The following EFEMP1 variants were observed in gnomAD, a reference collection of about 807,000 sequenced individuals.
EFEMP1 encodes the protein EGF-containing fibulin-like extracellular matrix protein 1.
In EFEMP1, 18 loss-of-function variants were observed where a neutral mutation model predicts 65.7. That is an observed-to-expected ratio of 0.27 (90% CI 0.19 to 0.41). The LOEUF is 0.41. Among genes scored for constraint, EFEMP1 ranks in the 10% least tolerant of loss-of-function variants. The pLI, the probability that EFEMP1 is intolerant of heterozygous loss-of-function variation, is 1.00. For synonymous variants in EFEMP1, 237 were observed against 219.7 expected (o/e 1.08, Z -0.70); for missense variants, 469 against 624.8 (o/e 0.75, Z 2.66).
chr2:55,887,147 A>G (rs1204669601), intron 5 of EFEMP1, among the ~76,000 whole-genome samples: 1 of 151,986 alleles, frequency 6.6e-6, no homozygotes, highest in Non-Finnish European at 1.5e-5. Flanking sequence ...ACAGATGAAG[A>G]AAAAAAAGGA....
At chr2:55,868,952 T>C (rs1668693307) in intron 11 of EFEMP1, among the ~76,000 whole-genome samples, 1 of 152,148 alleles carries the variant, frequency 6.6e-6, no homozygotes, top group Non-Finnish European at 1.5e-5. Flanking sequence ...ACTTTTTGAA[T>C]TATGTGATAA....
In EFEMP1 at chr2:55,877,792, C is replaced by G; in HGVS notation, c.714G>C (p.Gln238His). The G allele has an allele frequency of 6.2e-7, 1 of 1,613,288 alleles. No homozygotes were observed. Among genetic ancestry groups the G allele is most frequent in the Non-Finnish European group, 8.5e-7 (1 of 1,179,386 alleles). The change falls in exon 7 of 12, where the codon CAG becomes CAC. Residue 238 changes from glutamine to histidine, a missense_variant. Physicochemically the swap from Gln to His is conservative, Grantham distance 24 (BLOSUM62 0). This residue lies in a region of EFEMP1 where 399 missense variants were observed against 528.2 expected (regional missense o/e 0.76). Coordinates refer to ENST00000355426, the MANE Select transcript of EFEMP1 (RefSeq NM_001039348.3). This position sits in a 1 kb window ranked among gnomAD's most constrained non-coding sequence, Gnocchi z 4.5. ...CVNTPGSFYC[Q>H]CSPGFQLAAN... is the part of the protein sequence containing the mutation. ...CTGCCAATTGAAACCCAGGACTGCA[C>G]TGGCAATAAAATGAGCCTGGTGTAT...
intron 5 of EFEMP1, among the ~76,000 whole-genome samples, chr2:55,914,436 T>C (rs1670599952): frequency 6.6e-6 from 1 of 152,220 alleles, no homozygotes; most frequent in African/African-American, 2.4e-5. Context: ...TATCATGTTT[T>C]CATTAAACAG....
rs750610629 is a variant in EFEMP1 at position 55,922,408 on chromosome 2, A to G, written c.33T>C (p.Thr11=). Reference sequence around the variant, plus strand: ...TGTCCTGTGACTTGACCAGCGCCAGAGTCAGCATAGTTAGGAAAAGGGCTT... The same window carrying G: ...TGTCCTGTGACTTGACCAGCGCCAGGGTCAGCATAGTTAGGAAAAGGGCTT... MLKALFLTML[T]LALVKSQDTE... The change falls in exon 3 of 12, where the codon ACT becomes ACC. Residue 11 remains threonine, a synonymous_variant. Transcript: ENST00000355426. The surrounding 1 kb of genome is among the most constrained non-coding windows in gnomAD (Gnocchi z 5.5). 9 of 1,613,870 alleles carry G rather than the reference A, an allele frequency of 5.6e-6. No individual in the cohort carries two copies. The East Asian group carries it at 2.0e-4, about 36-fold the overall frequency.
At chr2:55,892,775 T>C (rs572493681) in intron 5 of EFEMP1, among the ~76,000 whole-genome samples, 1 of 152,240 alleles carries the variant, frequency 6.6e-6, no homozygotes, top group Non-Finnish European at 1.5e-5. Context: ...GTTGATGTGT[T>C]AAAGGTTGAT....
At chr2:55,881,483 C>G in intron 6 of EFEMP1, 129 bp downstream of exon 6, 2 of 1,185,592 alleles carry the variant, frequency 1.7e-6, no homozygotes, top group African/African-American at 1.5e-5. Context: ...GATTGGTAGT[C>G]TATAAAAAAA....
At chr2:55,910,240 A>G (rs1670432153) in intron 5 of EFEMP1, among the ~76,000 whole-genome samples, 1 of 152,152 alleles carries the variant, frequency 6.6e-6, no homozygotes, top group Non-Finnish European at 1.5e-5. Context: ...TTTCAGTTTA[A>G]ACTACAAACC....
Position 55,865,969 on chromosome 2 carries a change from A to G in EFEMP1, c.*1104T>C, listed in dbSNP as rs1429945841. 6.6e-6 allele frequency: 1 copy of G among 152,150 alleles called. No homozygotes were observed. The highest frequency in any genetic ancestry group is 1.5e-5 in the Non-Finnish European group (1 of 68,028). 9.4% of individuals were successfully genotyped at this position (152,150 alleles called of 1,614,324 possible). On this transcript the variant is annotated 3_prime_UTR_variant, in exon 12 of 12. Transcript: ENST00000355426. ...CTGAAAAACCTCCAAAGATAGAGTGATCTTCTAAAGGAATATTTATTTTTA... is the reference window on the plus strand; with the variant it reads ...CTGAAAAACCTCCAAAGATAGAGTGGTCTTCTAAAGGAATATTTATTTTTA...
chr2:55,900,321 C>G (rs150620064), intron 5 of EFEMP1, among the ~76,000 whole-genome samples: 9 of 151,394 alleles, frequency 5.9e-5, no homozygotes, highest in East Asian at 3.9e-4. Context: ...CGATCCCCCC[C>G]ACCAACTCTC....
rs886070246 is a variant in EFEMP1 at position 55,883,328 on chromosome 2, A to G, written c.518-1594T>C. Among the ~76,000 whole-genome samples the G allele has an allele frequency of 6.6e-6, 1 of 152,194 alleles. No individual in the cohort carries two copies. The highest frequency in any genetic ancestry group is 1.5e-5 in the Non-Finnish European group (1 of 68,036). ...TTACAAACTGTCCTTTTTAGGTACT[A>G]TGCGATGGTGCAACAATCCTGCTTT... is the stretch of plus-strand genomic sequence containing the variant. On this transcript the variant is annotated intron_variant, in intron 5 of 11. Transcript: ENST00000355426. The surrounding 1 kb of genome is among the most constrained non-coding windows in gnomAD (Gnocchi z 4.5).
chr2:55,887,890 G>GA (rs1323213957), intron 5 of EFEMP1, among the ~76,000 whole-genome samples: 1 of 152,102 alleles, frequency 6.6e-6, no homozygotes, highest in East Asian at 1.9e-4. Flanking sequence ...GTTCTCATAG[G>GA]AAAAAAATCA....
At chr2:55,889,334 C>A (rs978172791) in intron 5 of EFEMP1, among the ~76,000 whole-genome samples, 3 of 152,172 alleles carry the variant, frequency 2.0e-5, no homozygotes, top group Non-Finnish European at 4.4e-5. Flanking sequence ...TGTAACTTGG[C>A]AATACTTCTC....
chr2:55,879,389 C>G (rs142709930), intron 6 of EFEMP1, among the ~76,000 whole-genome samples: 67 of 152,328 alleles, frequency 4.4e-4, no homozygotes, highest in African/African-American at 1.4e-3. Context: ...TGGTATTATA[C>G]TTTCTAATAG....
intron 8 of EFEMP1, among the ~76,000 whole-genome samples, chr2:55,875,335 T>TAATATATAC (rs1553349819): frequency 2.4e-4 from 30 of 125,398 alleles, no homozygotes; most frequent in Non-Finnish European, 4.8e-4. Context: ...GTTTCATATA[T>TAATATATAC]ACACACACAC....
intron 5 of EFEMP1, among the ~76,000 whole-genome samples, chr2:55,892,960 G>T (rs1669687758): frequency 6.6e-6 from 1 of 152,144 alleles, no homozygotes; most frequent in Admixed American, 6.5e-5. Flanking sequence ...GAAAAATTGA[G>T]CAATTCAGAT....
intron 5 of EFEMP1, among the ~76,000 whole-genome samples, chr2:55,905,493 G>T (rs1670222841): frequency 6.6e-6 from 1 of 152,064 alleles, no homozygotes; most frequent in Non-Finnish European, 1.5e-5. Flanking sequence ...TGTTGCCCAG[G>T]CTGGAGTACA....
chr2:55,884,573 G>A (rs936403784), intron 5 of EFEMP1, among the ~76,000 whole-genome samples: 2 of 152,160 alleles, frequency 1.3e-5, no homozygotes, highest in Non-Finnish European at 2.9e-5. Flanking sequence ...CCTTTTGTAG[G>A]TATCTCCATG....
At position 55,917,765 on chromosome 2, in the gene EFEMP1, G is replaced by A; in HGVS notation, c.417C>T (p.Ile139=). The A allele has an allele frequency of 6.2e-7, 1 of 1,614,184 alleles. No homozygotes were observed. Among genetic ancestry groups the A allele is most frequent in the Non-Finnish European group, 8.5e-7 (1 of 1,180,042 alleles). Reference sequence around the variant, plus strand: ...GCTGAGGGTCAGCTGGGTTCCGCCGGATGACAAAGTTATTTCGGCCAGTCT... The same window carrying A: ...GCTGAGGGTCAGCTGGGTTCCGCCGAATGACAAAGTTATTTCGGCCAGTCT... ...EMQTGRNNFV[I]RRNPADPQRI... The change falls in exon 5 of 12, where the codon ATC becomes ATT. Residue 139 remains isoleucine, a synonymous_variant. Transcript: ENST00000355426. This position sits in a 1 kb window ranked among gnomAD's most constrained non-coding sequence, Gnocchi z 6.3.
intron 5 of EFEMP1, among the ~76,000 whole-genome samples, chr2:55,896,854 G>C (rs1021243404): frequency 6.6e-6 from 1 of 152,114 alleles, no homozygotes; most frequent in African/African-American, 2.4e-5. Flanking sequence ...CCACCTTCAG[G>C]ATGAAACCCA....
Sources: allele counts gnomAD v4.1 joint callset (sites outside exome capture counted in the v4.1 genomes callset), GRCh38; gene constraint gnomAD v4.1.1; regional missense constraint gnomAD v4.1.1; non-coding constraint Gnocchi (gnomAD v3.1); transcripts MANE v1.5; gene names NCBI Gene and HGNC (gene_info 2026-07-23, HGNC 2026-07-21).